LOC128706666: variants seen among roughly 807,000 people sequenced by gnomAD.
the LOC128706666 span, among the ~76,000 whole-genome samples, chr20:10,433,325 G>A: frequency 6.6e-6 from 1 of 152,292 alleles, no homozygotes; most frequent in East Asian, 1.9e-4. Context: ...TTTTCTATCC[G>A]CAGTTGGTTG....
At chr20:10,417,616 T>C in the LOC128706666 span, among the ~76,000 whole-genome samples, 3 of 152,086 alleles carry the variant, frequency 2.0e-5, no homozygotes, top group African/African-American at 7.2e-5. Flanking sequence ...GCCCAAGAGT[T>C]TGAGGCTGCA....
the LOC128706666 span, among the ~76,000 whole-genome samples, chr20:10,417,305 T>C: frequency 6.6e-6 from 1 of 151,904 alleles, no homozygotes; most frequent in Non-Finnish European, 1.5e-5. Flanking sequence ...CACTGCTAAC[T>C]TGCCTGTTAA....
the LOC128706666 span, among the ~76,000 whole-genome samples, chr20:10,419,371 T>G: frequency 6.6e-6 from 1 of 152,106 alleles, no homozygotes; most frequent in Admixed American, 6.5e-5. Flanking sequence ...ATAATCAATA[T>G]AATCATAATA....
At chr20:10,423,174 C>CA in the LOC128706666 span, among the ~76,000 whole-genome samples, 5 of 152,100 alleles carry the variant, frequency 3.3e-5, no homozygotes, top group Non-Finnish European at 5.9e-5. Context: ...CAGTGGCTCA[C>CA]AAAAGTGTAA....
the LOC128706666 span, among the ~76,000 whole-genome samples, chr20:10,415,794 C>T: frequency 1.4e-4 from 22 of 152,286 alleles, no homozygotes; most frequent in South Asian, 4.3e-3. Flanking sequence ...AACAGAATGC[C>T]ATGTTGGCAC....
the LOC128706666 span, among the ~76,000 whole-genome samples, chr20:10,425,482 A>G: frequency 6.6e-6 from 1 of 152,256 alleles, no homozygotes; most frequent in Non-Finnish European, 1.5e-5. Flanking sequence ...ACTTGACAAG[A>G]AAGTTTTTAA....
At chr20:10,433,758 C>A in the LOC128706666 span, among the ~76,000 whole-genome samples, 1 of 152,078 alleles carries the variant, frequency 6.6e-6, no homozygotes, top group Admixed American at 6.5e-5. Flanking sequence ...GCACACGGGG[C>A]CCCTCCCAGC....
chr20:10,426,387 G>A, the LOC128706666 span, among the ~76,000 whole-genome samples: 91 of 152,006 alleles, frequency 6.0e-4, no homozygotes, highest in African/African-American at 2.0e-3. Context: ...AACTAGCTTG[G>A]GGCATCATGC....
chr20:10,433,423 T>C, the LOC128706666 span, among the ~76,000 whole-genome samples: 1 of 152,228 alleles, frequency 6.6e-6, no homozygotes, highest in African/African-American at 2.4e-5. Flanking sequence ...CAAGTCCCTC[T>C]TGGTCACTGC....
chr20:10,429,085 TTCCCAGTACTACACAATC>T, the LOC128706666 span, among the ~76,000 whole-genome samples: 1 of 152,192 alleles, frequency 6.6e-6, no homozygotes, highest in Admixed American at 6.5e-5. Context: ...ACCATCTTCC[TTCCCAGTACTACACAATC>T]TCTTTCCTTT....
chr20:10,428,775 G>C, the LOC128706666 span, among the ~76,000 whole-genome samples: 1 of 152,110 alleles, frequency 6.6e-6, no homozygotes, highest in Non-Finnish European at 1.5e-5. Flanking sequence ...GGAGGCAGAG[G>C]TTACATTACA....
At chr20:10,428,269 TGGA>T in the LOC128706666 span, among the ~76,000 whole-genome samples, 2 of 152,202 alleles carry the variant, frequency 1.3e-5, no homozygotes, top group African/African-American at 4.8e-5. Flanking sequence ...TGGTGATTGG[TGGA>T]GGAGAGGGGA....
the LOC128706666 span, among the ~76,000 whole-genome samples, chr20:10,423,088 AT>A: frequency 6.6e-6 from 1 of 151,802 alleles, no homozygotes; most frequent in African/African-American, 2.4e-5. Flanking sequence ...ATAATTCAAC[AT>A]TTGTCAGCTT....
chr20:10,430,904 T>C, the LOC128706666 span, among the ~76,000 whole-genome samples: 3 of 152,228 alleles, frequency 2.0e-5, no homozygotes, highest in African/African-American at 4.8e-5. Flanking sequence ...ACGCTGTTGG[T>C]CTGAAACAAC....
chr20:10,421,395 C>T, the LOC128706666 span, among the ~76,000 whole-genome samples: 1 of 120,948 alleles, frequency 8.3e-6, no homozygotes, highest in South Asian at 2.6e-4. Flanking sequence ...CTGCACTAGG[C>T]AACAGAATGA....
chr20:10,416,613 A>G, the LOC128706666 span, among the ~76,000 whole-genome samples: 2 of 152,370 alleles, frequency 1.3e-5, no homozygotes, highest in Admixed American at 6.5e-5. Flanking sequence ...AAAGGGAATT[A>G]CAGGGATAAA....
chr20:10,424,574 T>A, the LOC128706666 span, among the ~76,000 whole-genome samples: 9 of 152,148 alleles, frequency 5.9e-5, no homozygotes, highest in African/African-American at 2.2e-4. Context: ...AGCTCATTGC[T>A]AGTTTTACAA....
chr20:10,427,691 T>C, the LOC128706666 span, among the ~76,000 whole-genome samples: 1 of 152,340 alleles, frequency 6.6e-6, no homozygotes, highest in East Asian at 1.9e-4. Flanking sequence ...ACTGACATGG[T>C]AAACAGAACA....
the LOC128706666 span, among the ~76,000 whole-genome samples, chr20:10,422,445 C>A: frequency 6.6e-6 from 1 of 152,042 alleles, no homozygotes; most frequent in Admixed American, 6.5e-5. Context: ...AAGGCAAAAG[C>A]CTTTGGGAAT....
Sources: gnomAD v4.1 joint callset for allele counts (sites outside exome capture counted in the v4.1 genomes callset) on GRCh38, gnomAD v4.1.1 for gene constraint, MANE v1.5 for transcripts.